The following RIPOR3 variants were observed in gnomAD, a reference collection of about 807,000 sequenced individuals.
The protein encoded by RIPOR3 is RIPOR family member 3.
In RIPOR3, 95 loss-of-function variants were observed where a neutral mutation model predicts 114.3. That is an observed-to-expected ratio of 0.83 (90% CI 0.70 to 0.99). The LOEUF is 0.99. Among genes scored for constraint, RIPOR3 ranks in the 50% least tolerant of loss-of-function variants. The pLI is 0.00. For synonymous variants in RIPOR3, 575 were observed against 543.8 expected, an observed-to-expected ratio of 1.06 and a Z score of -0.80; for missense variants, 1,252 against 1,266.9, an observed-to-expected ratio of 0.99 and a Z score of 0.18.
chr20:50,589,662 C>T (rs1161244095), intron 20 of RIPOR3, 24 bp downstream of exon 20: 1 of 1,611,728 alleles, frequency 6.2e-7, no homozygotes, highest in South Asian at 1.1e-5. Context: ...CTATCAGCCA[C>T]TAATGGGGAA....
At chr20:50,627,446 GT>G (rs1406229279) in intron 2 of RIPOR3, among the ~76,000 whole-genome samples, 1 of 150,086 alleles carries the variant, frequency 6.7e-6, no homozygotes, top group Non-Finnish European at 1.5e-5. Context: ...GGAGGCGGAG[GT>G]TGCAGTGAGC....
At chr20:50,628,598 G>A (rs144410533) in intron 2 of RIPOR3, among the ~76,000 whole-genome samples, 27 of 152,076 alleles carry the variant, frequency 1.8e-4, no homozygotes, top group Non-Finnish European at 3.2e-4. Flanking sequence ...GGAGACCATG[G>A]GTGCCCTCCC....
intron 1 of RIPOR3, among the ~76,000 whole-genome samples, chr20:50,647,275 G>A (rs929269943): frequency 3.3e-5 from 5 of 151,902 alleles, no homozygotes; most frequent in Admixed American, 1.3e-4. Context: ...AGCCAGGATC[G>A]CATCACTGTA....
At chr20:50,686,560 C>T (rs913651823) in intron 1 of RIPOR3, among the ~76,000 whole-genome samples, 1 of 151,854 alleles carries the variant, frequency 6.6e-6, no homozygotes, top group Non-Finnish European at 1.5e-5. Context: ...ACCAGCCTGA[C>T]CAATATGGTG....
Position 50,608,894 on chromosome 20 carries a change from C to T in RIPOR3, c.684+18G>A, listed in dbSNP as rs776695248. ...CTGGCGGGGAGCCCTGAGGATTGAC[C>T]CCAGAGAGTGGCCGTACCTCATAGT... On this transcript the variant is annotated intron_variant, in intron 9 of 21. Coordinates refer to ENST00000327979, the MANE Select transcript of RIPOR3 (RefSeq NM_001290268.2). 4 of 1,597,626 alleles carry T rather than the reference C, an allele frequency of 2.5e-6. No homozygotes were observed. Among genetic ancestry groups the T allele is most frequent in the Admixed American group, 3.6e-5 (2 of 55,992 alleles).
chr20:50,649,040 G>A (rs1269738622), intron 1 of RIPOR3, among the ~76,000 whole-genome samples: 1 of 152,178 alleles, frequency 6.6e-6, no homozygotes, highest in Non-Finnish European at 1.5e-5. Context: ...CCAATCCTTG[G>A]CATTTCTGGT....
Position 50,608,273 on chromosome 20 carries a change from T to C in RIPOR3, c.956+116A>G, listed in dbSNP as rs1366691014. The stretch of plus-strand genomic sequence containing the variant: ...GGAGTGAGGGACAGATGAGGACCCG[T>C]GAGGGCAGGGACACCCTTGGCAGAG... On this transcript the variant is annotated intron_variant, in intron 11 of 21. Transcript: ENST00000327979. The C allele has an allele frequency of 2.7e-6, 4 of 1,460,704 alleles. No homozygotes were observed. The African/African-American group carries it at 5.6e-5, about 20-fold the overall frequency. The allele number at this position is 1,460,704 out of a possible 1,614,324, so 90.5% of individuals were successfully genotyped here. A position where few individuals can be genotyped will look rare whatever the true frequency, so the allele number is the denominator to read the frequency against.
intron 1 of RIPOR3, among the ~76,000 whole-genome samples, chr20:50,651,549 G>A (rs1020301272): frequency 6.6e-6 from 1 of 152,214 alleles, no homozygotes; most frequent in African/African-American, 2.4e-5. Flanking sequence ...TAGTCTGGTG[G>A]TTAGAGACAA....
At chr20:50,635,153 G>A (rs1256691318) in intron 1 of RIPOR3, among the ~76,000 whole-genome samples, 1 of 152,208 alleles carries the variant, frequency 6.6e-6, no homozygotes, top group African/African-American at 2.4e-5. Flanking sequence ...CAGACATTAT[G>A]TAAAGGAATT....
chr20:50,626,027 C>G (rs1025994987), intron 2 of RIPOR3, among the ~76,000 whole-genome samples: 5 of 152,262 alleles, frequency 3.3e-5, no homozygotes, highest in Admixed American at 2.0e-4. Flanking sequence ...TCAGCCCACC[C>G]TCTCCATGCA....
intron 1 of RIPOR3, among the ~76,000 whole-genome samples, chr20:50,688,852 CT>C (rs2087113735): frequency 1.3e-5 from 2 of 152,168 alleles, no homozygotes; most frequent in African/African-American, 4.8e-5. Context: ...CGAAATACCC[CT>C]TTGGAGCTCC....
At chr20:50,671,271 G>A (rs186060784) in intron 1 of RIPOR3, among the ~76,000 whole-genome samples, 1 of 152,292 alleles carries the variant, frequency 6.6e-6, no homozygotes, top group African/African-American at 2.4e-5. Context: ...TTACAGGCAT[G>A]AGCCACCATG....
At position 50,595,468 on chromosome 20, in the gene RIPOR3, C is replaced by G. The variant is rs1366973349; in HGVS notation, c.1951G>C (p.Glu651Gln). The change falls in exon 16 of 22, where the codon GAA becomes CAA. Residue 651 changes from glutamate (E) to glutamine (Q), a missense_variant. Glu to Gln is a conservative substitution (Grantham distance 29, BLOSUM62 2). Transcript: ENST00000327979. ...ASPNLSRLVQECLLEEVAQQK... is the reference protein window; with the variant it reads ...ASPNLSRLVQQCLLEEVAQQK... ...TGTGCCACTTCTTCCAGGAGGCATT[C>G]CTGGACCAGCCTTGATAAATTAGGG... 2 of 1,614,142 alleles carry G rather than the reference C, an allele frequency of 1.2e-6. No individual in the cohort carries two copies. Among genetic ancestry groups the G allele is most frequent in the South Asian group, 2.2e-5 (2 of 91,078 alleles).
intron 1 of RIPOR3, among the ~76,000 whole-genome samples, chr20:50,646,344 CT>C (rs1257689797): frequency 3.9e-5 from 6 of 152,096 alleles, no homozygotes; most frequent in African/African-American, 1.2e-4. Context: ...GTTGCCCAGT[CT>C]GGTCTCAAAC....
intron 1 of RIPOR3, among the ~76,000 whole-genome samples, chr20:50,684,153 ATATG>A (rs1433725216): frequency 6.6e-6 from 1 of 152,094 alleles, no homozygotes; most frequent in Non-Finnish European, 1.5e-5. Context: ...ATAAGAATAT[ATATG>A]TATGTTAGAT....
At chr20:50,634,740 C>T (rs2084925881) in intron 1 of RIPOR3, among the ~76,000 whole-genome samples, 1 of 152,142 alleles carries the variant, frequency 6.6e-6, no homozygotes, top group Non-Finnish European at 1.5e-5. Context: ...CTGTAAAAAG[C>T]CAGATAGAAA....
intron 12 of RIPOR3, among the ~76,000 whole-genome samples, chr20:50,603,450 G>C (rs981754664): frequency 2.6e-5 from 4 of 152,134 alleles, no homozygotes; most frequent in African/African-American, 9.7e-5. Flanking sequence ...TGTTGGCCAG[G>C]CTGGTCTCAA....
In RIPOR3 at chr20:50,589,764, C is replaced by G; in HGVS notation, c.2583G>C (p.Leu861Phe). Reference sequence around the variant, plus strand: ...CTGCCAGGGCGTTGGTGTAGAACAGCAAAGCCTGGGGAGAGTAAGGAGGCT... The same window carrying G: ...CTGCCAGGGCGTTGGTGTAGAACAGGAAAGCCTGGGGAGAGTAAGGAGGCT... ...VRNRSFREKA[L>F]LFYTNALAEN... The change falls in exon 20 of 22, where the codon TTG (leucine) becomes TTC (phenylalanine). Residue 861 changes from leucine to phenylalanine, a missense_variant. Physicochemically the swap from Leu to Phe is conservative, Grantham distance 22. Coordinates refer to ENST00000327979, the MANE Select transcript of RIPOR3 (RefSeq NM_001290268.2). 2 of 1,613,078 alleles carry G rather than the reference C, an allele frequency of 1.2e-6. No homozygotes were observed. The highest frequency in any genetic ancestry group is 2.2e-5 in the South Asian group (2 of 90,912).
In RIPOR3 at chr20:50,630,782, G is replaced by A. The variant is rs771138078; in HGVS notation, c.78C>T (p.Ser26=). ...DTGAVGVVGR[S]ASFAGFSSAQ... ...CACTGCTGAAGCCTGCGAAGGAGGC[G>A]CTCCGGCCCACGACCCCCACGGCCC... The change falls in exon 2 of 22, where the codon AGC becomes AGT. Residue 26 remains serine, a synonymous_variant. Coordinates refer to ENST00000327979, the MANE Select transcript of RIPOR3 (RefSeq NM_001290268.2). The A allele has an allele frequency of 1.9e-5, 31 of 1,612,160 alleles. No homozygotes were observed. Among genetic ancestry groups the A allele is most frequent in the Middle Eastern group, 1.6e-4 (1 of 6,080 alleles).
Sources: allele counts gnomAD v4.1 joint callset (sites outside exome capture counted in the v4.1 genomes callset), GRCh38; gene constraint gnomAD v4.1.1; transcripts MANE v1.5; gene names NCBI Gene and HGNC (gene_info 2026-07-23, HGNC 2026-07-21).